Variants in ROBO2 observed in about 807,000 individuals in gnomAD.
ROBO2 encodes roundabout homolog 2.
Under a neutral mutation model 160.8 loss-of-function variants are expected in ROBO2, and 53 were observed. The ratio of observed to expected loss-of-function variants is 0.33; its 90% CI spans 0.26 to 0.41. The LOEUF is 0.41. ROBO2 is among the 10% of genes least tolerant of loss of function. ROBO2 has a pLI of 1.00. For synonymous variants in ROBO2, 664 were observed against 611.7 expected (o/e 1.09, Z -1.26); for missense variants, 1,577 against 1,722.4 (o/e 0.92, Z 1.49).
chr3:76,217,392 C>A (rs1011670018), intron 2 of ROBO2, among the ~76,000 whole-genome samples: 2 of 151,890 alleles, frequency 1.3e-5, no homozygotes, highest in African/African-American at 4.8e-5. Context: ...TTTTGAAAAG[C>A]TCAACAAAAT....
chr3:77,563,115 A>G, intron 10 of ROBO2, 52 bp from the exon 12 acceptor site: 1 of 1,569,636 alleles, frequency 6.4e-7, no homozygotes, highest in Non-Finnish European at 8.8e-7. Flanking sequence ...TTTAGGCAGT[A>G]TTGTCAACTT....
chr3:76,060,792 G>A (rs895500511), intron 2 of ROBO2, among the ~76,000 whole-genome samples: 1 of 151,696 alleles, frequency 6.6e-6, no homozygotes, highest in Non-Finnish European at 1.5e-5. Context: ...AATAGATCTT[G>A]TCTGTGACTC....
chr3:76,404,857 G>A (rs542554619), intron 2 of ROBO2, among the ~76,000 whole-genome samples: 1 of 151,700 alleles, frequency 6.6e-6, no homozygotes, highest in South Asian at 2.1e-4. Context: ...GCTTGGTTGT[G>A]AATATGGCGT....
intron 2 of ROBO2, among the ~76,000 whole-genome samples, chr3:77,389,992 G>T (rs1372917183): frequency 6.6e-6 from 1 of 152,148 alleles, no homozygotes; most frequent in Non-Finnish European, 1.5e-5. Flanking sequence ...TTCTAAGATT[G>T]TGATTTTACC....
intron 2 of ROBO2, among the ~76,000 whole-genome samples, chr3:76,652,244 G>T (rs1041595615): frequency 1.3e-5 from 2 of 152,134 alleles, no homozygotes; most frequent in Non-Finnish European, 2.9e-5. Context: ...AAATGAGGTG[G>T]ATAATTAAAA....
intron 2 of ROBO2, among the ~76,000 whole-genome samples, chr3:76,022,705 G>T (rs1187872680): frequency 4.6e-5 from 7 of 151,640 alleles, no homozygotes; most frequent in Admixed American, 4.6e-4. Context: ...TTCAGACTTT[G>T]CTCCATTTAT....
At chr3:76,224,775 A>G (rs1010943793) in intron 2 of ROBO2, among the ~76,000 whole-genome samples, 5 of 152,066 alleles carry the variant, frequency 3.3e-5, no homozygotes, top group African/African-American at 1.2e-4. Flanking sequence ...CCCTTTCCTT[A>G]TTCCAGTCAC....
exon 7 of ROBO2, chr3:77,546,345 A>ACAGTTT (rs2092698220): frequency 6.2e-7 from 1 of 1,612,922 alleles, no homozygotes; most frequent in Admixed American, 1.7e-5. Context: ...TAGCTCCCCC[A>ACAGTTT]CAGTTTGTGG....
At chr3:76,096,171 T>C (rs2069445912) in intron 2 of ROBO2, among the ~76,000 whole-genome samples, 1 of 152,158 alleles carries the variant, frequency 6.6e-6, no homozygotes, top group Admixed American at 6.5e-5. Context: ...TGGGCCATCT[T>C]CCATCACAGA....
intron 2 of ROBO2, among the ~76,000 whole-genome samples, chr3:76,778,227 C>T (rs1194692943): frequency 6.6e-6 from 1 of 151,086 alleles, no homozygotes; most frequent in Admixed American, 6.6e-5. Flanking sequence ...AAAAGGCTCA[C>T]TTCACATAAA....
At chr3:76,224,012 T>G (rs748623621) in intron 2 of ROBO2, among the ~76,000 whole-genome samples, 14 of 152,228 alleles carry the variant, frequency 9.2e-5, no homozygotes, top group African/African-American at 2.4e-5. Flanking sequence ...TGCTTTGCAT[T>G]TTTATAATCA....
Position 76,955,247 on chromosome 3 carries a change from C to T in ROBO2, c.110-142767C>T, listed in dbSNP as rs202150022. ...AATAATATTCTATTATATGTGTACA[C>T]CCCATGTTGTTTATCCACTCATGGC... On this transcript the variant is annotated intron_variant, in intron 2 of 26. Transcript: ENST00000487694. Among the ~76,000 whole-genome samples the T allele has an allele frequency of 1.4e-4, 21 of 152,286 alleles. No individual in the cohort carries two copies. The East Asian group carries it at 4.1e-3, about 29-fold the overall frequency.
chr3:75,992,464 G>A (rs1345555826), intron 2 of ROBO2, among the ~76,000 whole-genome samples: 1 of 152,190 alleles, frequency 6.6e-6, no homozygotes, highest in Non-Finnish European at 1.5e-5. Context: ...AAGAGTTGAG[G>A]TGGGGGAACC....
intron 2 of ROBO2, among the ~76,000 whole-genome samples, chr3:76,696,898 A>G (rs1233618174): frequency 6.6e-6 from 1 of 152,042 alleles, no homozygotes; most frequent in Admixed American, 6.6e-5. Flanking sequence ...TTATATTTGG[A>G]TGTGTTAAAT....
intron 2 of ROBO2, among the ~76,000 whole-genome samples, chr3:76,760,936 G>A (rs1417037914): frequency 6.7e-6 from 1 of 149,868 alleles, no homozygotes; most frequent in East Asian, 2.0e-4. Context: ...TTTATACTTT[G>A]TGGAATGTTT....
intron 2 of ROBO2, among the ~76,000 whole-genome samples, chr3:76,384,959 T>C (rs574832138): frequency 6.6e-6 from 1 of 152,320 alleles, no homozygotes; most frequent in African/African-American, 2.4e-5. Context: ...ATTTCAGTTC[T>C]ATATTATTTT....
chr3:76,983,135 A>T (rs6780270), intron 2 of ROBO2, among the ~76,000 whole-genome samples: 4,833 of 152,014 alleles, frequency 0.032, 255 homozygotes, highest in African/African-American at 0.11. Flanking sequence ...AATACAAAAA[A>T]TTAGCCGGGC....
At chr3:76,384,012 A>G (rs1052017264) in intron 2 of ROBO2, among the ~76,000 whole-genome samples, 8 of 152,230 alleles carry the variant, frequency 5.3e-5, no homozygotes, top group Admixed American at 1.3e-4. Flanking sequence ...CTGGGCAGAA[A>G]TGCAGAAGAG....
intron 1 of ROBO2, among the ~76,000 whole-genome samples, chr3:77,085,710 G>A (rs547184067): frequency 6.6e-6 from 1 of 152,140 alleles, no homozygotes; most frequent in African/African-American, 2.4e-5. Flanking sequence ...CATCCAAGAG[G>A]AAATCTTTCT....
Sources: gnomAD v4.1 joint callset for allele counts (sites outside exome capture counted in the v4.1 genomes callset) on GRCh38, gnomAD v4.1.1 for gene constraint, MANE v1.5 for transcripts, NCBI Gene and HGNC (gene_info 2026-07-23, HGNC 2026-07-21) for gene names.